Variants in EGFLAM observed in about 807,000 individuals in gnomAD.
EGFLAM encodes the protein EGF like, fibronectin type III and laminin G domains.
EGFLAM carries 79 observed loss-of-function variants against 113.1 expected under a neutral mutation model. That is an observed-to-expected ratio of 0.70 (90% CI 0.58 to 0.84). The LOEUF is 0.84. Ranked by LOEUF, EGFLAM falls within the 40% of genes least tolerant of loss-of-function variation. The probability of loss-of-function intolerance (pLI) is 0.00; values close to 1 mark genes in which losing one functional copy is unlikely to be tolerated. For synonymous variants in EGFLAM, 504 were observed against 487.6 expected (o/e 1.03, Z -0.44); for missense variants, 1,265 against 1,291.6 (o/e 0.98, Z 0.32).
chr5:38,284,495 G>A (rs1246353273), intron 1 of EGFLAM, among the ~76,000 whole-genome samples: 1 of 152,142 alleles, frequency 6.6e-6, no homozygotes, highest in Non-Finnish European at 1.5e-5. Context: ...ACAAGGTGAG[G>A]GCCAAATGTG....
chr5:38,406,061 T>G (rs1741273969), intron 6 of EGFLAM, 65 bp from the exon 7 acceptor site: 8 of 1,285,938 alleles, frequency 6.2e-6, no homozygotes, highest in Non-Finnish European at 7.9e-6. Context: ...GTGGCTGAGT[T>G]AGGCTAGACA....
At chr5:38,318,811 T>A (rs1437996117) in intron 1 of EGFLAM, among the ~76,000 whole-genome samples, 7 of 152,048 alleles carry the variant, frequency 4.6e-5, no homozygotes, top group Admixed American at 1.3e-4. Context: ...CCCTCTGGTG[T>A]TTTAATGTGA....
intron 17 of EGFLAM, chr5:38,445,732 C>T (rs768005554): frequency 1.9e-6 from 3 of 1,596,332 alleles, no homozygotes; most frequent in South Asian, 2.2e-5. Flanking sequence ...TGAGAAACTG[C>T]GAGAGCGCTC....
intron 6 of EGFLAM, among the ~76,000 whole-genome samples, chr5:38,405,283 A>T (rs1579879948): frequency 6.6e-6 from 1 of 152,322 alleles, no homozygotes; most frequent in African/African-American, 2.4e-5. Flanking sequence ...GGCCCCTGTG[A>T]ATCACACCTC....
chr5:38,412,952 A>G (rs958376301), intron 11 of EGFLAM, among the ~76,000 whole-genome samples: 2 of 152,098 alleles, frequency 1.3e-5, no homozygotes, highest in Admixed American at 1.3e-4. Flanking sequence ...GCCCAAGGAC[A>G]TGTTCTCTTT....
In EGFLAM at chr5:38,357,299, CCAGGCAATGGACCCTCAT is replaced by C. The variant is rs1433661641; in HGVS notation, c.545+4971_545+4988del. Among the ~76,000 whole-genome samples the C allele has an allele frequency of 8.2e-3, 1,251 of 152,210 alleles. 18 individuals carry two copies. Among genetic ancestry groups the C allele is most frequent in the African/African-American group, 0.026 (1,082 of 41,528 alleles). On this transcript the variant is annotated intron_variant, in intron 5 of 21. Transcript: ENST00000322350. ...ACCCTCACCAGGCAATGGACCCTCA[CCAGGCAATGGACCCTCAT>C]CACACACTGAATCTGCTGGCACTTT...
chr5:38,260,658 C>T (rs557837443), intron 1 of EGFLAM, among the ~76,000 whole-genome samples: 21 of 152,324 alleles, frequency 1.4e-4, no homozygotes, highest in African/African-American at 5.1e-4. Context: ...AGTGTTTAGA[C>T]TAGGTTCAAC....
chr5:38,400,438 C>T (rs997193038), intron 6 of EGFLAM, among the ~76,000 whole-genome samples: 1 of 151,930 alleles, frequency 6.6e-6, no homozygotes, highest in Non-Finnish European at 1.5e-5. Flanking sequence ...AACAAAGTAC[C>T]AAGTAGAAAG....
chr5:38,422,799 A>G (rs1302733238), intron 12 of EGFLAM, among the ~76,000 whole-genome samples: 9 of 152,214 alleles, frequency 5.9e-5, no homozygotes, highest in Non-Finnish European at 1.3e-4. Context: ...CACTAGAAGT[A>G]TCTTGCCTGT....
At chr5:38,424,412 C>T (rs1741932487) in intron 12 of EGFLAM, among the ~76,000 whole-genome samples, 2 of 152,092 alleles carry the variant, frequency 1.3e-5, no homozygotes, top group African/African-American at 4.8e-5. Context: ...ATTATGGGGC[C>T]CTCCCTCCCT....
At chr5:38,385,534 A>G (rs1740638190) in intron 6 of EGFLAM, among the ~76,000 whole-genome samples, 1 of 151,932 alleles carries the variant, frequency 6.6e-6, no homozygotes, top group African/African-American at 2.4e-5. Flanking sequence ...AACCATCCAT[A>G]TTTTTTTCCA....
At chr5:38,272,347 G>A (rs1408958622) in intron 1 of EGFLAM, among the ~76,000 whole-genome samples, 2 of 152,170 alleles carry the variant, frequency 1.3e-5, no homozygotes, top group Admixed American at 6.5e-5. Flanking sequence ...AAATAGTCCA[G>A]TGTCCAACAA....
chr5:38,338,681 G>GTCTGCATCTT lies in EGFLAM; in HGVS notation c.208-15_208-6dup, dbSNP rs755850390. ...GCACGGGCTCTGCTCTCACCAGGGTGTCTGCATCTTTTCAAGGTCTTTTAC... is the reference window on the plus strand; with the variant it reads ...GCACGGGCTCTGCTCTCACCAGGGTGTCTGCATCTTTCTGCATCTTTTCAAGGTCTTTTAC... On this transcript the variant is annotated splice_polypyrimidine_tract_variant and intron_variant, in intron 2 of 21. Coordinates refer to ENST00000322350, the MANE Select transcript of EGFLAM (RefSeq NM_152403.4). 3.1e-4 allele frequency: 498 copies of GTCTGCATCTT among 1,613,490 alleles called. 2 individuals are homozygous for GTCTGCATCTT. The highest frequency in any genetic ancestry group is 3.9e-4 in the Non-Finnish European group (461 of 1,179,386).
intron 1 of EGFLAM, among the ~76,000 whole-genome samples, chr5:38,281,749 T>C (rs1428248): frequency 0.28 from 42,623 of 151,944 alleles, 6,495 homozygotes; most frequent in African/African-American, 0.38. Flanking sequence ...TACCACCTTC[T>C]CCCAATAAAA....
At chr5:38,384,662 G>C (rs941450524) in intron 6 of EGFLAM, among the ~76,000 whole-genome samples, 1 of 152,186 alleles carries the variant, frequency 6.6e-6, no homozygotes, top group Non-Finnish European at 1.5e-5. Flanking sequence ...TGCAGTGACA[G>C]AGTGGCCCAT....
In EGFLAM at chr5:38,418,237, C is replaced by T; in HGVS notation, c.1666C>T (p.Leu556Phe). ...GAGGCCCTGGCCCCTGGGAAAAGCA[C>T]TCAGTGGGGCTGATGTGGGTAAGTG... ...DMRPWPLGKA[L>F]SGADVGECSS... Residue 556 changes from leucine to phenylalanine, a missense_variant, in exon 12 of 22, where the codon CTC becomes TTC. Coordinates refer to ENST00000322350, the MANE Select transcript of EGFLAM (RefSeq NM_152403.4). 1.9e-6 allele frequency: 3 copies of T among 1,613,610 alleles called. No homozygotes were observed. The highest frequency in any genetic ancestry group is 2.5e-6 in the Non-Finnish European group (3 of 1,179,826).
At chr5:38,435,304 A>C (rs763322849) in intron 16 of EGFLAM, 51 bp downstream of exon 16, 8 of 1,336,634 alleles carry the variant, frequency 6.0e-6, no homozygotes, top group Non-Finnish European at 8.6e-6. Flanking sequence ...CTGTAGACAA[A>C]GAAAGTGAGG....
intron 3 of EGFLAM, among the ~76,000 whole-genome samples, chr5:38,347,377 G>C (rs10053173): frequency 6.6e-6 from 1 of 152,136 alleles, no homozygotes; most frequent in Non-Finnish European, 1.5e-5. Context: ...GGCTTCAAGT[G>C]GGTGGGGACA....
rs146327095 is a variant in EGFLAM at position 38,352,248 on chromosome 5, G to T, written c.462G>T (p.Ser154=). Residue 154 remains serine (S), a synonymous_variant, in exon 5 of 22, where the codon TCG becomes TCT. Coordinates refer to ENST00000322350, the MANE Select transcript of EGFLAM (RefSeq NM_152403.4). ...AGCAGCCACATGTCATTGTGGTTTC[G>T]GATTCTGAGGTGGCCCTGTCTTGGA... is the stretch of plus-strand genomic sequence containing the variant. The part of the protein sequence containing the change: ...APQQPHVIVV[S]DSEVALSWKP... The T allele has an allele frequency of 1.1e-4, 177 of 1,614,082 alleles. 1 individual carries two copies. In the African/African-American group the frequency reaches 2.2e-3, roughly 20 times the overall value.
Sources: gnomAD v4.1 joint callset for allele counts (sites outside exome capture counted in the v4.1 genomes callset) on GRCh38, gnomAD v4.1.1 for gene constraint, MANE v1.5 for transcripts, NCBI Gene and HGNC (gene_info 2026-07-23, HGNC 2026-07-21) for gene names.